The following SLC35F4 variants were observed in gnomAD, a reference collection of about 807,000 sequenced individuals.
SLC35F4 encodes chromosome 14 open reading frame 36.
In SLC35F4, 24 loss-of-function variants were observed where a neutral mutation model predicts 44.2. That is an observed-to-expected ratio of 0.54 (90% confidence interval 0.39 to 0.76). The LOEUF is 0.76. Among genes scored for constraint, SLC35F4 ranks in the 30% least tolerant of loss-of-function variants. The pLI is 0.00. For missense variants in SLC35F4, 562 were observed against 586.1 expected, an observed-to-expected ratio of 0.96 and a Z score of 0.42; for synonymous variants, 238 against 223.6, an observed-to-expected ratio of 1.06 and a Z score of -0.57.
At chr14:57,610,269 G>C (rs1233296553) in intron 1 of SLC35F4, among the ~76,000 whole-genome samples, 1 of 152,106 alleles carries the variant, frequency 6.6e-6, no homozygotes, top group African/African-American at 2.4e-5. Flanking sequence ...CTAATATAAT[G>C]ACAAATCCTG....
chr14:57,881,540 T>C (rs939113278), intron 1 of SLC35F4, among the ~76,000 whole-genome samples: 8 of 152,176 alleles, frequency 5.3e-5, no homozygotes, highest in African/African-American at 1.9e-4. Context: ...TTTTTTAAAA[T>C]GGGCATAATA....
chr14:57,682,496 G>A (rs910213890), intron 1 of SLC35F4, among the ~76,000 whole-genome samples: 3 of 152,088 alleles, frequency 2.0e-5, no homozygotes, highest in East Asian at 3.9e-4. Context: ...CATGGGGTAG[G>A]GGGCTAGGGG....
chr14:57,616,492 C>T (rs907613658), intron 1 of SLC35F4, among the ~76,000 whole-genome samples: 4 of 152,122 alleles, frequency 2.6e-5, no homozygotes, highest in African/African-American at 9.7e-5. Flanking sequence ...GATTCTTGCC[C>T]CCTCAGTGAA....
chr14:57,671,839 A>G (rs1444683172), intron 1 of SLC35F4, among the ~76,000 whole-genome samples: 3 of 152,136 alleles, frequency 2.0e-5, no homozygotes, highest in Non-Finnish European at 1.5e-5. Flanking sequence ...AAGCAGGTCA[A>G]GCCCATTATA....
chr14:57,925,519 G>GAGGGAGGAAGGAAGGAAGGA (rs1566931001), intron 1 of SLC35F4, among the ~76,000 whole-genome samples: 1 of 65,268 alleles, frequency 1.5e-5, no homozygotes, highest in African/African-American at 4.6e-5. Flanking sequence ...GGGAGGGAGG[G>GAGGGAGGAAGGAAGGAAGGA]AGGGAGGGAG....
At chr14:57,900,435 C>T (rs1240406933) in intron 1 of SLC35F4, among the ~76,000 whole-genome samples, 1 of 152,194 alleles carries the variant, frequency 6.6e-6, no homozygotes, top group Non-Finnish European at 1.5e-5. Flanking sequence ...CACACTAAAT[C>T]AGCTTCCCAC....
Position 57,858,255 on chromosome 14 carries a change from C to G in SLC35F4, c.103+7468G>C, listed in dbSNP as rs569796134. 9.2e-5 allele frequency among the ~76,000 whole-genome samples: 14 copies of G among 151,946 alleles called. No homozygotes were observed. In the East Asian group the frequency reaches 2.3e-3, roughly 25 times the overall value. On this transcript the variant is annotated intron_variant, in intron 1 of 7. Transcript: ENST00000556826. ...CGTATGTTTATTGTGGCACTATTCA[C>G]AATAGCAAAGACTCGGAACCAACCC...
chr14:57,854,666 C>T (rs1421022865), intron 1 of SLC35F4, among the ~76,000 whole-genome samples: 1 of 152,190 alleles, frequency 6.6e-6, no homozygotes, highest in African/African-American at 2.4e-5. Flanking sequence ...TGCCTGAGTA[C>T]CTGCATGCAT....
intron 4 of SLC35F4, among the ~76,000 whole-genome samples, chr14:57,580,066 T>G (rs2069134246): frequency 6.6e-6 from 1 of 152,116 alleles, no homozygotes; most frequent in African/African-American, 2.4e-5. Flanking sequence ...AGTGTCACAT[T>G]TGGATATACT....
chr14:57,837,717 A>T (rs973437226), intron 1 of SLC35F4: 4 of 152,178 alleles, frequency 2.6e-5, no homozygotes, highest in Non-Finnish European at 4.4e-5. Flanking sequence ...ACTTCTCCAA[A>T]GCCAATCTTC....
intron 1 of SLC35F4, among the ~76,000 whole-genome samples, chr14:57,783,106 G>T (rs1398990729): frequency 6.6e-6 from 1 of 152,080 alleles, no homozygotes; most frequent in Non-Finnish European, 1.5e-5. Context: ...TATTAAAAAT[G>T]CTGCTTTTAT....
chr14:57,583,789 A>G (rs2069480451), intron 3 of SLC35F4, among the ~76,000 whole-genome samples: 1 of 152,128 alleles, frequency 6.6e-6, no homozygotes, highest in Non-Finnish European at 1.5e-5. Flanking sequence ...GTAAAATCCC[A>G]TACTATTTAA....
chr14:57,587,510 T>G (rs1004439098), intron 3 of SLC35F4, among the ~76,000 whole-genome samples: 7 of 152,126 alleles, frequency 4.6e-5, no homozygotes, highest in Non-Finnish European at 1.0e-4. Context: ...CTCAGCAAAC[T>G]AACACAAGAA....
chr14:57,580,390 G>GA, intron 4 of SLC35F4: 1 of 182,028 alleles, frequency 5.5e-6, no homozygotes, highest in East Asian at 1.7e-4. Flanking sequence ...TTTCAGAGAA[G>GA]ATAAGTTGTG....
intron 1 of SLC35F4, among the ~76,000 whole-genome samples, chr14:57,727,752 G>C (rs2076240346): frequency 6.6e-6 from 1 of 152,156 alleles, no homozygotes; most frequent in Admixed American, 6.5e-5. Flanking sequence ...GAAGATGCTT[G>C]ATACTATTTC....
chr14:57,668,584 G>A (rs1414178225), intron 1 of SLC35F4, among the ~76,000 whole-genome samples: 1 of 152,094 alleles, frequency 6.6e-6, no homozygotes, highest in Admixed American at 6.5e-5. Context: ...TTGTTAAATA[G>A]GGAATCCTTT....
intron 3 of SLC35F4, among the ~76,000 whole-genome samples, chr14:57,582,700 T>A (rs1029291972): frequency 6.6e-6 from 1 of 152,224 alleles, no homozygotes; most frequent in Non-Finnish European, 1.5e-5. Context: ...GCATTGTATT[T>A]TCATGAGTAG....
At chr14:57,895,018 A>C (rs1203137166) in intron 1 of SLC35F4, among the ~76,000 whole-genome samples, 2 of 152,146 alleles carry the variant, frequency 1.3e-5, no homozygotes, top group Non-Finnish European at 2.9e-5. Context: ...GTATGCATTG[A>C]GTGCCTAATT....
intron 1 of SLC35F4, among the ~76,000 whole-genome samples, chr14:57,716,445 C>T (rs1441361719): frequency 1.3e-5 from 2 of 152,154 alleles, no homozygotes; most frequent in East Asian, 1.9e-4. Context: ...ACATGCTTAG[C>T]GTTCCAATAA....
Sources: allele counts gnomAD v4.1 joint callset (sites outside exome capture counted in the v4.1 genomes callset), GRCh38; gene constraint gnomAD v4.1.1; transcripts MANE v1.5; gene names NCBI Gene and HGNC (gene_info 2026-07-23, HGNC 2026-07-21).